Variants in DOK5 observed in about 807,000 individuals in gnomAD.
The protein encoded by DOK5 is downstream of tyrosine kinase 5.
In DOK5, 27 loss-of-function variants were observed where a neutral mutation model predicts 43.3. The ratio of observed to expected loss-of-function variants is 0.62; its 90% CI spans 0.46 to 0.86. The LOEUF is 0.86. DOK5 is among the 40% of genes least tolerant of loss of function. DOK5 has a pLI of 0.00. For synonymous variants in DOK5, 146 were observed against 140.1 expected (o/e 1.04, Z -0.30); for missense variants, 373 against 392.9 (o/e 0.95, Z 0.43).
At chr20:54,526,608 C>T (rs1293184933) in intron 1 of DOK5, among the ~76,000 whole-genome samples, 3 of 152,046 alleles carry the variant, frequency 2.0e-5, no homozygotes, top group South Asian at 2.1e-4. Context: ...TTTTAAAAAC[C>T]CCAAAATTTA....
intron 1 of DOK5, among the ~76,000 whole-genome samples, chr20:54,517,876 C>G (rs1983254738): frequency 6.6e-6 from 1 of 152,184 alleles, no homozygotes; most frequent in African/African-American, 2.4e-5. Flanking sequence ...GAAATGGGCC[C>G]TCACCAGATG....
At chr20:54,633,220 C>T (rs1978652546) in intron 6 of DOK5, among the ~76,000 whole-genome samples, 1 of 152,106 alleles carries the variant, frequency 6.6e-6, no homozygotes, top group Admixed American at 6.6e-5. Context: ...AACTGCTGAC[C>T]CAGGGCCCAG....
At position 54,516,531 on chromosome 20, in the gene DOK5, A is replaced by T. The variant is rs375528516; in HGVS notation, c.67-38402A>T. Among the ~76,000 whole-genome samples, 31 of 152,298 alleles carry T rather than the reference A, an allele frequency of 2.0e-4. No individual in the cohort carries two copies. In the East Asian group the frequency reaches 5.2e-3, roughly 26 times the overall value. The stretch of plus-strand genomic sequence containing the variant: ...GCCTTCCTTGGGTTGTGGGTAGAGT[A>T]TGCTATCATATCTGAACTGTGTGTT... On this transcript the variant is annotated intron_variant, in intron 1 of 7. Transcript: ENST00000262593.
intron 1 of DOK5, among the ~76,000 whole-genome samples, chr20:54,515,890 A>G (rs1471963916): frequency 6.6e-6 from 1 of 152,198 alleles, no homozygotes; most frequent in African/African-American, 2.4e-5. Context: ...ATGAATGTTC[A>G]ACGTATGCTT....
chr20:54,535,449 G>T (rs1352566986), intron 1 of DOK5, among the ~76,000 whole-genome samples: 1 of 152,044 alleles, frequency 6.6e-6, no homozygotes, highest in Non-Finnish European at 1.5e-5. Flanking sequence ...GAACCTTGCT[G>T]AAATGTTTCC....
chr20:54,477,150 T>A (rs777944086), intron 1 of DOK5, among the ~76,000 whole-genome samples: 10 of 152,120 alleles, frequency 6.6e-5, no homozygotes, highest in Non-Finnish European at 1.2e-4. Context: ...AGTGGTAAAT[T>A]GAATAGCTTT....
intron 2 of DOK5, among the ~76,000 whole-genome samples, chr20:54,557,179 A>C (rs1984734196): frequency 6.6e-6 from 1 of 152,132 alleles, no homozygotes. Context: ...TCTTTGCTGC[A>C]ACACCCTCAG....
intron 1 of DOK5, among the ~76,000 whole-genome samples, chr20:54,477,414 T>A (rs564991593): frequency 6.6e-6 from 1 of 152,216 alleles, no homozygotes. Context: ...ATTGTGAATA[T>A]ATACATATGT....
In DOK5 at chr20:54,588,574, C is replaced by G; in HGVS notation, c.266C>G (p.Ser89Cys). ...AIGIYFNDDTSKTFACESDLE... is the reference protein window; with the variant it reads ...AIGIYFNDDTCKTFACESDLE... ...GGGATTTATTTCAATGACGATACCTCCAAGACTTTTGCTTGCGAATCAGGT... is the reference window on the plus strand; with the variant it reads ...GGGATTTATTTCAATGACGATACCTGCAAGACTTTTGCTTGCGAATCAGGT... Residue 89 changes from serine to cysteine, a missense_variant, in exon 3 of 8, where the codon TCC becomes TGC. Physicochemically the swap from Ser to Cys is moderately radical, Grantham distance 112. Transcript: ENST00000262593. The G allele has an allele frequency of 6.2e-7, 1 of 1,614,142 alleles. No individual in the cohort carries two copies. Among genetic ancestry groups the G allele is most frequent in the Non-Finnish European group, 8.5e-7 (1 of 1,179,994 alleles).
chr20:54,629,577 A>G (rs189377193), intron 6 of DOK5, among the ~76,000 whole-genome samples: 4 of 152,366 alleles, frequency 2.6e-5, no homozygotes, highest in African/African-American at 2.4e-5. Context: ...TTCTACACAT[A>G]TAAGTACCTG....
chr20:54,638,752 CTTTTTTTTTTTTT>C (rs11476340), intron 6 of DOK5, among the ~76,000 whole-genome samples: 1 of 98,534 alleles, frequency 1.0e-5, no homozygotes, highest in African/African-American at 3.7e-5. Flanking sequence ...CTTTTCTTTT[CTTTTTTTTTTTTT>C]TTTTTTGAGA....
chr20:54,509,837 C>T (rs941890229), intron 1 of DOK5, among the ~76,000 whole-genome samples: 16 of 151,898 alleles, frequency 1.1e-4, no homozygotes, highest in Non-Finnish European at 1.8e-4. Flanking sequence ...CCACCTGTCC[C>T]GAAAACTAAT....
chr20:54,502,096 C>T (rs1010823782), intron 1 of DOK5, among the ~76,000 whole-genome samples: 1 of 152,166 alleles, frequency 6.6e-6, no homozygotes, highest in Admixed American at 6.5e-5. Context: ...TCTGTACTGA[C>T]AGAACGTGCA....
intron 4 of DOK5, among the ~76,000 whole-genome samples, chr20:54,590,627 G>A (rs1013934724): frequency 2.6e-5 from 4 of 151,986 alleles, no homozygotes; most frequent in African/African-American, 7.3e-5. Context: ...ATAGTAGATC[G>A]CGGAACACAT....
intron 1 of DOK5, among the ~76,000 whole-genome samples, chr20:54,516,043 T>G (rs887654032): frequency 2.0e-5 from 3 of 152,198 alleles, no homozygotes; most frequent in African/African-American, 7.2e-5. Context: ...TGTATAATAG[T>G]AAAATGTTCA....
intron 1 of DOK5, among the ~76,000 whole-genome samples, chr20:54,492,687 T>TGG (rs1982232726): frequency 1.3e-5 from 1 of 76,120 alleles, no homozygotes; most frequent in Non-Finnish European, 2.4e-5. Context: ...AGTGTGGCTT[T>TGG]GTGTGTGTGT....
intron 1 of DOK5, among the ~76,000 whole-genome samples, chr20:54,551,387 C>T (rs759593216): frequency 2.0e-5 from 3 of 152,124 alleles, no homozygotes; most frequent in Non-Finnish European, 2.9e-5. Flanking sequence ...TTTCACATAA[C>T]GGAAGTTTTC....
At chr20:54,565,465 C>T (rs1186042696) in intron 2 of DOK5, among the ~76,000 whole-genome samples, 1 of 152,148 alleles carries the variant, frequency 6.6e-6, no homozygotes, top group Non-Finnish European at 1.5e-5. Context: ...TAGCCTTTCT[C>T]ACTGTTGAAA....
chr20:54,638,064 G>A (rs1452677439), intron 6 of DOK5, among the ~76,000 whole-genome samples: 2 of 151,182 alleles, frequency 1.3e-5, no homozygotes, highest in Non-Finnish European at 2.9e-5. Flanking sequence ...GGAGCTTGCA[G>A]TGAGCCGAGA....
Sources: gnomAD v4.1 joint callset for allele counts (sites outside exome capture counted in the v4.1 genomes callset) on GRCh38, gnomAD v4.1.1 for gene constraint, MANE v1.5 for transcripts, NCBI Gene and HGNC (gene_info 2026-07-23, HGNC 2026-07-21) for gene names.